Variants in ARL15 observed in about 807,000 individuals in gnomAD.
The protein encoded by ARL15 is ARF like GTPase 15.
A neutral mutation model predicts 25.2 loss-of-function variants in ARL15; 19 were observed. The ratio of observed to expected loss-of-function variants is 0.75; its 90% CI spans 0.53 to 1.10. The LOEUF (loss-of-function observed/expected upper bound fraction) is 1.10. Among genes scored for constraint, ARL15 ranks in the 50% least tolerant of loss-of-function variants. The pLI, the probability that ARL15 is intolerant of heterozygous loss-of-function variation, is 0.00. For missense variants in ARL15, 220 were observed against 246.0 expected (o/e 0.89, Z 0.71); for synonymous variants, 94 against 86.8 (o/e 1.08, Z -0.46).
Position 54,233,223 on chromosome 5 carries a change from G to C in ARL15, c.49-61295C>G, listed in dbSNP as rs78379003. ...TTCTGCTCTATGTAAAAGTCTAAGG[G>C]TTGTCTCAAGGAAAAGTACTCGTGA... is the stretch of plus-strand genomic sequence containing the variant. On this transcript the variant is annotated intron_variant, in intron 1 of 4. Coordinates refer to ENST00000504924, the MANE Select transcript of ARL15 (RefSeq NM_019087.3). Among the ~76,000 whole-genome samples, 921 of 152,268 alleles carry C rather than the reference G, an allele frequency of 6.0e-3. 17 individuals carry two copies. Among genetic ancestry groups the C allele is most frequent in the African/African-American group, 0.021 (883 of 41,538 alleles).
chr5:54,224,639 A>T (rs1048266975), intron 1 of ARL15, among the ~76,000 whole-genome samples: 2 of 152,194 alleles, frequency 1.3e-5, no homozygotes, highest in African/African-American at 4.8e-5. Flanking sequence ...AAACCTGGAC[A>T]TCATCAGTGT....
chr5:53,911,420 A>C (rs951174570), intron 4 of ARL15, among the ~76,000 whole-genome samples: 2 of 151,136 alleles, frequency 1.3e-5, no homozygotes, highest in South Asian at 2.1e-4. Context: ...TTCCCCCATG[A>C]CTGTGATATT....
At chr5:54,221,869 AC>A (rs1301578125) in intron 1 of ARL15, among the ~76,000 whole-genome samples, 10 of 144,744 alleles carry the variant, frequency 6.9e-5, no homozygotes, top group African/African-American at 1.3e-4. Flanking sequence ...ACACACACAC[AC>A]AAAACCCTCA....
chr5:54,082,028 T>A (rs1751814138), intron 4 of ARL15, among the ~76,000 whole-genome samples: 1 of 144,346 alleles, frequency 6.9e-6, no homozygotes, highest in Non-Finnish European at 1.5e-5. Flanking sequence ...GAGGCGGAGG[T>A]TGTAGTGAGC....
chr5:54,247,762 C>T (rs1266030774), intron 1 of ARL15, among the ~76,000 whole-genome samples: 1 of 152,006 alleles, frequency 6.6e-6, no homozygotes, highest in African/African-American at 2.4e-5. Flanking sequence ...GTGTATAGAA[C>T]ATCCTTACTC....
chr5:54,290,189 C>T (rs1399773787), intron 1 of ARL15, among the ~76,000 whole-genome samples: 1 of 152,108 alleles, frequency 6.6e-6, no homozygotes, highest in African/African-American at 2.4e-5. Context: ...AAACAATAAA[C>T]AACATCCATT....
chr5:53,992,141 A>G (rs1748523431), intron 4 of ARL15, among the ~76,000 whole-genome samples: 1 of 152,186 alleles, frequency 6.6e-6, no homozygotes, highest in Non-Finnish European at 1.5e-5. Context: ...AAAGGAATGT[A>G]GCGCCATCTA....
intron 3 of ARL15, among the ~76,000 whole-genome samples, chr5:54,151,855 T>A (rs545355767): frequency 6.7e-4 from 102 of 152,192 alleles, no homozygotes; most frequent in African/African-American, 2.4e-3. Context: ...AAGTGAGAAT[T>A]TTAACTTAAG....
chr5:54,131,699 C>G (rs1005413950), intron 3 of ARL15, among the ~76,000 whole-genome samples: 2 of 152,068 alleles, frequency 1.3e-5, no homozygotes, highest in Non-Finnish European at 2.9e-5. Flanking sequence ...TTTTATGTGC[C>G]AAGTACTATA....
intron 4 of ARL15, among the ~76,000 whole-genome samples, chr5:53,888,120 T>C (rs780801541): frequency 6.6e-6 from 1 of 152,086 alleles, no homozygotes; most frequent in Non-Finnish European, 1.5e-5. Context: ...AAGATCCTCA[T>C]TAATTCTGAT....
At chr5:54,295,753 C>T (rs1268114689) in intron 1 of ARL15, among the ~76,000 whole-genome samples, 2 of 152,152 alleles carry the variant, frequency 1.3e-5, no homozygotes, top group South Asian at 2.1e-4. Context: ...AGGAAACATT[C>T]GAAATGACCA....
chr5:53,940,988 T>G (rs1478973712), intron 4 of ARL15, among the ~76,000 whole-genome samples: 1 of 152,200 alleles, frequency 6.6e-6, no homozygotes, highest in African/African-American at 2.4e-5. Flanking sequence ...AATTACCAAG[T>G]TTAGTCAATG....
chr5:53,968,047 C>T (rs1350981307), intron 4 of ARL15, among the ~76,000 whole-genome samples: 1 of 152,120 alleles, frequency 6.6e-6, no homozygotes, highest in Non-Finnish European at 1.5e-5. Flanking sequence ...ACAGTGTTTT[C>T]AAGAAGCCTG....
At chr5:53,922,421 G>T (rs894267350) in intron 4 of ARL15, among the ~76,000 whole-genome samples, 7 of 152,310 alleles carry the variant, frequency 4.6e-5, no homozygotes, top group Middle Eastern at 3.4e-3. Flanking sequence ...GACAATGACT[G>T]TATCAGCTTT....
At chr5:54,019,330 A>G (rs1749524756) in intron 4 of ARL15, among the ~76,000 whole-genome samples, 1 of 152,196 alleles carries the variant, frequency 6.6e-6, no homozygotes, top group Non-Finnish European at 1.5e-5. Context: ...CTTTGAGATA[A>G]GGCTAAAGCA....
chr5:54,144,374 T>G (rs1219364427), intron 3 of ARL15, among the ~76,000 whole-genome samples: 1 of 152,148 alleles, frequency 6.6e-6, no homozygotes, highest in African/African-American at 2.4e-5. Context: ...TGTATGTCAT[T>G]CTGAAAAAGA....
intron 3 of ARL15, among the ~76,000 whole-genome samples, chr5:54,151,357 T>C (rs1047022849): frequency 6.6e-6 from 1 of 152,200 alleles, no homozygotes; most frequent in African/African-American, 2.4e-5. Flanking sequence ...TTTTTCCCTT[T>C]CATTTCATTA....
chr5:54,172,024 A>C, intron 1 of ARL15, 96 bp from the exon 2 acceptor site: 3 of 1,433,344 alleles, frequency 2.1e-6, no homozygotes, highest in Non-Finnish European at 2.8e-6. Context: ...TTAAGAGGTA[A>C]TTGAATAAAG....
chr5:53,912,341 T>C (rs2111983218), intron 4 of ARL15, among the ~76,000 whole-genome samples: 1 of 152,306 alleles, frequency 6.6e-6, no homozygotes, highest in African/African-American at 2.4e-5. Context: ...TTACTTAGTA[T>C]GCTGCATGCT....
Sources: gnomAD v4.1 joint callset for allele counts (sites outside exome capture counted in the v4.1 genomes callset) on GRCh38, gnomAD v4.1.1 for gene constraint, MANE v1.5 for transcripts, NCBI Gene and HGNC (gene_info 2026-07-23, HGNC 2026-07-21) for gene names.